WDR11: variants seen among roughly 807,000 people sequenced by gnomAD.
The protein encoded by WDR11 is WD repeat domain 11, also known as WD repeat-containing protein 11.
In WDR11, 83 loss-of-function variants were observed where a neutral mutation model predicts 151.2. The observed-to-expected ratio is 0.55, with a 90% confidence interval of 0.46 to 0.66. The LOEUF (loss-of-function observed/expected upper bound fraction) is 0.66, where lower values mean the gene tolerates loss of function less well. Among genes scored for constraint, WDR11 ranks in the 30% least tolerant of loss-of-function variants. WDR11 has a pLI of 0.00. For missense variants in WDR11, 1,301 were observed against 1,480.9 expected (o/e 0.88, Z 1.99); for synonymous variants, 484 against 533.1 (o/e 0.91, Z 1.27).
intron 9 of WDR11, 148 bp from the exon 10 acceptor site, chr10:120,871,022 T>G: frequency 1.3e-6 from 1 of 779,320 alleles, no homozygotes; most frequent in African/African-American, 1.7e-5. Context: ...AGAGTCATTG[T>G]GTCCTTAATA....
intron 2 of WDR11, among the ~76,000 whole-genome samples, chr10:120,853,965 C>T (rs1312786481): frequency 2.0e-5 from 3 of 151,988 alleles, no homozygotes; most frequent in Non-Finnish European, 4.4e-5. Context: ...TATAGTGATC[C>T]GGGCTTTAGG....
In WDR11 at chr10:120,878,464, G is replaced by C; in HGVS notation, c.1663+5G>C. On this transcript the variant is annotated splice_donor_5th_base_variant and intron_variant, in intron 12 of 28. Transcript: ENST00000263461. ...AACTGGTTGATCTTCCAACAGGTTT[G>C]TTTTTAAAGATCCAAATAGGTTTGT... The C allele has an allele frequency of 6.2e-7, 1 of 1,606,224 alleles. No homozygotes were observed. The highest frequency in any genetic ancestry group is 8.5e-7 in the Non-Finnish European group (1 of 1,173,294).
At chr10:120,856,446 A>T (rs1845948159) in intron 2 of WDR11, among the ~76,000 whole-genome samples, 1 of 151,904 alleles carries the variant, frequency 6.6e-6, no homozygotes, top group South Asian at 2.1e-4. Context: ...GTGGTGGTAC[A>T]CACCTGTAAT....
intron 19 of WDR11, among the ~76,000 whole-genome samples, chr10:120,898,391 G>A (rs758128772): frequency 2.0e-5 from 3 of 152,192 alleles, no homozygotes; most frequent in Non-Finnish European, 4.4e-5. Context: ...TCCAATGACT[G>A]AATCAATAAT....
chr10:120,870,205 A>G (rs1358671944), intron 9 of WDR11, among the ~76,000 whole-genome samples: 2 of 152,198 alleles, frequency 1.3e-5, no homozygotes, highest in Non-Finnish European at 2.9e-5. Flanking sequence ...TGTGGATTTT[A>G]AAATAACATT....
chr10:120,894,770 G>C (rs1470688091), intron 19 of WDR11, among the ~76,000 whole-genome samples: 1 of 152,232 alleles, frequency 6.6e-6, no homozygotes, highest in Non-Finnish European at 1.5e-5. Context: ...GTGACAAACA[G>C]CAATGATGCT....
intron 16 of WDR11, 103 bp downstream of exon 16, chr10:120,886,939 GTAAA>G (rs1409794131): frequency 7.9e-7 from 1 of 1,258,082 alleles, no homozygotes; most frequent in Non-Finnish European, 1.1e-6. Flanking sequence ...AAAGCCTAAT[GTAAA>G]TAAACTTTAT....
At chr10:120,906,168 A>G (rs1848035960) in intron 27 of WDR11, 147 bp downstream of exon 27, 1 of 1,538,754 alleles carries the variant, frequency 6.5e-7, no homozygotes, top group Non-Finnish European at 8.7e-7. Flanking sequence ...CCCAAAGGAG[A>G]ATGGAACTGT....
At chr10:120,870,551 T>C (rs959422642) in intron 9 of WDR11, among the ~76,000 whole-genome samples, 1 of 152,212 alleles carries the variant, frequency 6.6e-6, no homozygotes, top group African/African-American at 2.4e-5. Flanking sequence ...AATAATGCCA[T>C]TGAAGTCTTA....
intron 10 of WDR11, 80 bp from the exon 11 acceptor site, chr10:120,873,759 A>T: frequency 2.2e-6 from 2 of 919,374 alleles, no homozygotes; most frequent in Non-Finnish European, 3.7e-6. Flanking sequence ...TAAGTGATTA[A>T]AGTCTTGAGA....
intron 19 of WDR11, among the ~76,000 whole-genome samples, chr10:120,898,416 A>C (rs538239595): frequency 3.3e-5 from 5 of 152,366 alleles, no homozygotes; most frequent in Admixed American, 2.6e-4. Context: ...TTTTAAGTTT[A>C]AATTAGACAA....
rs188193365 is a variant in WDR11, at chr10:120,881,267, A to T, written c.1739+366A>T. The stretch of plus-strand genomic sequence containing the variant: ...TTTTTTTGTTTCAGGGGAAAATAAC[A>T]TGTAAAGCAGTATTATTAAAAATAG... On this transcript the variant is annotated intron_variant, in intron 13 of 28. Coordinates refer to ENST00000263461, the MANE Select transcript of WDR11 (RefSeq NM_018117.12). 3.8e-3 allele frequency among the ~76,000 whole-genome samples: 581 copies of T among 152,316 alleles called. 3 individuals are homozygous for T. The highest frequency in any genetic ancestry group is 0.013 in the African/African-American group (554 of 41,574).
intron 25 of WDR11, 150 bp from the exon 26 acceptor site, chr10:120,905,169 A>G (rs1473974190): frequency 1.3e-6 from 1 of 791,636 alleles, no homozygotes; most frequent in East Asian, 2.7e-5. Context: ...AAAACTCTTA[A>G]TATTATGTTT....
At chr10:120,870,748 A>G (rs1846507404) in intron 9 of WDR11, among the ~76,000 whole-genome samples, 1 of 152,220 alleles carries the variant, frequency 6.6e-6, no homozygotes, top group Admixed American at 6.5e-5. Flanking sequence ...TACTTTACAG[A>G]GTACATCAGA....
chr10:120,899,927 C>T (rs1163152521), intron 19 of WDR11, 102 bp from the exon 20 acceptor site: 2 of 915,022 alleles, frequency 2.2e-6, no homozygotes, highest in African/African-American at 3.3e-5. Flanking sequence ...TCCAGATTTA[C>T]CTGTTGCTCT....
chr10:120,903,877 T>C (rs940213468), intron 23 of WDR11, among the ~76,000 whole-genome samples, 170 bp from the exon 24 acceptor site: 5 of 152,172 alleles, frequency 3.3e-5, no homozygotes, highest in African/African-American at 1.2e-4. Flanking sequence ...CTATCAACAT[T>C]TTTGCTGTTC....
chr10:120,861,084 T>G (rs1191193244), intron 4 of WDR11, among the ~76,000 whole-genome samples: 1 of 152,120 alleles, frequency 6.6e-6, no homozygotes, highest in Non-Finnish European at 1.5e-5. Flanking sequence ...GCATGCAAGT[T>G]GTATGAGATA....
At chr10:120,898,489 G>A (rs1011495093) in intron 19 of WDR11, among the ~76,000 whole-genome samples, 1 of 152,120 alleles carries the variant, frequency 6.6e-6, no homozygotes, top group Non-Finnish European at 1.5e-5. Flanking sequence ...ATATCATACT[G>A]GATAATTGCA....
At chr10:120,865,895 A>G in intron 7 of WDR11, 151 bp downstream of exon 7, 2 of 623,066 alleles carry the variant, frequency 3.2e-6, no homozygotes, top group East Asian at 5.6e-5. Context: ...CATAAAAAGT[A>G]TAAGCCCAAG....
Sources: allele counts gnomAD v4.1 joint callset (sites outside exome capture counted in the v4.1 genomes callset), GRCh38; gene constraint gnomAD v4.1.1; transcripts MANE v1.5; gene names NCBI Gene and HGNC (gene_info 2026-07-23, HGNC 2026-07-21).